The following PAX7 variants were observed in gnomAD, a reference collection of about 807,000 sequenced individuals.
PAX7 encodes paired box protein Pax-7.
A neutral mutation model predicts 50.7 loss-of-function variants in PAX7; 18 were observed. That is an observed-to-expected ratio of 0.36 (90% CI 0.25 to 0.53). PAX7 has a LOEUF of 0.53. Ranked by LOEUF, PAX7 falls within the 20% of genes least tolerant of loss-of-function variation. The probability of loss-of-function intolerance (pLI) is 0.93; values close to 1 mark genes in which losing one functional copy is unlikely to be tolerated. For missense variants in PAX7, 644 were observed against 702.9 expected (o/e 0.92, Z 0.95); for synonymous variants, 310 against 290.4 (o/e 1.07, Z -0.69).
intron 7 of PAX7, among the ~76,000 whole-genome samples, chr1:18,730,352 G>A (rs2089630881): frequency 6.6e-6 from 1 of 151,354 alleles, no homozygotes; most frequent in Admixed American, 6.6e-5. Flanking sequence ...CGGGGAAACT[G>A]TTGTCCCTCT....
rs138753381 is a variant in PAX7 at position 18,683,532 on chromosome 1, C to G, written c.587-8222C>G. On this transcript the variant is annotated intron_variant, in intron 4 of 8. Coordinates refer to ENST00000420770, the MANE Select transcript of PAX7 (RefSeq NM_001135254.2). ...TTGGACAGTCAATGCTCTTGACTATCCAAAGGACAGTCAAGAATGCCCATT... is the reference window on the plus strand; with the variant it reads ...TTGGACAGTCAATGCTCTTGACTATGCAAAGGACAGTCAAGAATGCCCATT... 7.5e-3 allele frequency among the ~76,000 whole-genome samples: 1,148 copies of G among 152,320 alleles called. 15 individuals are homozygous for G. Among genetic ancestry groups the G allele is most frequent in the African/African-American group, 0.027 (1,111 of 41,572 alleles).
chr1:18,725,871 A>G (rs2089559358), intron 7 of PAX7, among the ~76,000 whole-genome samples: 1 of 152,198 alleles, frequency 6.6e-6, no homozygotes, highest in Non-Finnish European at 1.5e-5. Context: ...GGCCAACCCA[A>G]GGATCTGCCC....
At chr1:18,706,579 C>T (rs551040569) in intron 7 of PAX7, among the ~76,000 whole-genome samples, 3 of 150,836 alleles carry the variant, frequency 2.0e-5, no homozygotes, top group East Asian at 2.0e-4. Context: ...CTCCTGTCTT[C>T]GCCTCCAATT....
In PAX7 at chr1:18,703,212, C is replaced by G; in HGVS notation, c.1071C>G (p.Ser357Arg). ...DTSSAYGARH[S>R]FSSYSDSFMN... is the part of the protein sequence containing the mutation. ...GCTCTGCCTACGGAGCCCGCCACAG[C>G]TTCTCCAGCTACTCTGACAGCTTCA... The change falls in exon 7 of 9, where the codon AGC becomes AGG. Residue 357 changes from serine (S) to arginine (R), a missense_variant. Ser to Arg is a moderately radical substitution (Grantham distance 110, BLOSUM62 -1). Transcript: ENST00000420770. The G allele has an allele frequency of 6.2e-7, 1 of 1,614,212 alleles. No individual in the cohort carries two copies. The highest frequency in any genetic ancestry group is 8.5e-7 in the Non-Finnish European group (1 of 1,180,034).
chr1:18,690,905 T>A (rs746879681), intron 4 of PAX7, among the ~76,000 whole-genome samples: 2 of 152,138 alleles, frequency 1.3e-5, no homozygotes, highest in Non-Finnish European at 2.9e-5. Flanking sequence ...GGAGGTGGCC[T>A]TCCCAGGGTC....
Position 18,636,140 on chromosome 1 carries a change from G to A in PAX7, c.452-97G>A. 1 of 1,268,044 alleles carries A rather than the reference G, an allele frequency of 7.9e-7. No homozygotes were observed. Among genetic ancestry groups the A allele is most frequent in the Non-Finnish European group, 1.1e-6 (1 of 892,900 alleles). The allele number at this position is 1,268,044 out of a possible 1,614,324, so 78.5% of individuals were successfully genotyped here. A position where few individuals can be genotyped will look rare whatever the true frequency, so the allele number is the denominator to read the frequency against. On this transcript the variant is annotated intron_variant, in intron 3 of 8. Coordinates refer to ENST00000420770, the MANE Select transcript of PAX7 (RefSeq NM_001135254.2). This position sits in a 1 kb window ranked among gnomAD's most constrained non-coding sequence, Gnocchi z 5.1. ...GGGATGAATGGATATCTGTAAGGAA[G>A]CAGGGGGCTTCCTGACTTTCTCCCA...
chr1:18,679,198 CCTT>C (rs2088863900), intron 4 of PAX7, among the ~76,000 whole-genome samples: 2 of 152,206 alleles, frequency 1.3e-5, no homozygotes, highest in African/African-American at 4.8e-5. Flanking sequence ...AGGTTTAAGT[CCTT>C]CTTCATGGCT....
rs1316149893 is a variant in PAX7 at position 18,746,395 on chromosome 1, T to C, written c.*1466T>C. 4 of 230,946 alleles carry C rather than the reference T, an allele frequency of 1.7e-5. No individual in the cohort carries two copies. In the East Asian group the frequency reaches 2.5e-4, roughly 14 times the overall value. 14.3% of individuals were successfully genotyped at this position (230,946 alleles called of 1,614,324 possible). A position where few individuals can be genotyped will look rare whatever the true frequency, so the allele number is the denominator to read the frequency against. On this transcript the variant is annotated 3_prime_UTR_variant, in exon 9 of 9. Coordinates refer to ENST00000420770, the MANE Select transcript of PAX7 (RefSeq NM_001135254.2). ...GTGGCCTCCTGAAGTTCCATGCTTT[T>C]AAGAGCTGGGACCTTGGGAGGATGA...
intron 4 of PAX7, among the ~76,000 whole-genome samples, chr1:18,688,976 C>A (rs753923982): frequency 3.3e-5 from 5 of 152,142 alleles, no homozygotes; most frequent in Non-Finnish European, 7.3e-5. Context: ...AAGGCTGTGC[C>A]TCCTCCATCA....
chr1:18,698,965 G>A (rs1039176995), intron 5 of PAX7, among the ~76,000 whole-genome samples: 1 of 152,180 alleles, frequency 6.6e-6, no homozygotes, highest in South Asian at 2.1e-4. Flanking sequence ...GAGATTTGGG[G>A]GTCTTGGGTG....
At chr1:18,642,209 A>C (rs2088267165) in intron 4 of PAX7, among the ~76,000 whole-genome samples, 1 of 133,832 alleles carries the variant, frequency 7.5e-6, no homozygotes, top group Non-Finnish European at 1.7e-5. Flanking sequence ...ATTCCAGGTT[A>C]CCTCTTTGGA....
chr1:18,667,391 A>AAAGGAAGGAAAGAAGG (rs1553136569), intron 4 of PAX7, among the ~76,000 whole-genome samples: 7 of 113,388 alleles, frequency 6.2e-5, no homozygotes, highest in African/African-American at 2.4e-4. Flanking sequence ...AAGGAAGGAG[A>AAAGGAAGGAAAGAAGG]AAGGAAGGAA....
At chr1:18,657,203 G>C (rs6659735) in intron 4 of PAX7, among the ~76,000 whole-genome samples, 2 of 151,654 alleles carry the variant, frequency 1.3e-5, no homozygotes, top group Admixed American at 1.3e-4. Flanking sequence ...GGAGCATGGG[G>C]GTGATAAGAG....
chr1:18,688,445 G>C (rs1463788764), intron 4 of PAX7, among the ~76,000 whole-genome samples: 1 of 152,224 alleles, frequency 6.6e-6, no homozygotes, highest in African/African-American at 2.4e-5. Context: ...TAAATACAAT[G>C]AAAGACGAAG....
chr1:18,655,780 T>TGTGA (rs2088507349), intron 4 of PAX7, among the ~76,000 whole-genome samples: 1 of 139,800 alleles, frequency 7.2e-6, no homozygotes, highest in Non-Finnish European at 1.5e-5. Context: ...GGTGTGTGTG[T>TGTGA]GTGTGTGTGT....
chr1:18,743,460 G>A (rs183420302), intron 8 of PAX7, among the ~76,000 whole-genome samples: 2 of 152,378 alleles, frequency 1.3e-5, no homozygotes, highest in East Asian at 3.9e-4. Flanking sequence ...GGGGAAGCAT[G>A]TAGAGTGCTA....
At chr1:18,703,858 CA>C (rs1435241101) in intron 7 of PAX7, among the ~76,000 whole-genome samples, 1 of 152,194 alleles carries the variant, frequency 6.6e-6, no homozygotes, top group African/African-American at 2.4e-5. Flanking sequence ...GCACATGATC[CA>C]AACTGATCTG....
In PAX7 at chr1:18,744,873, G is replaced by A. The variant is rs577652552; in HGVS notation, c.1462G>A (p.Gly488Arg). 16 of 1,558,746 alleles carry A rather than the reference G, an allele frequency of 1.0e-5. No individual in the cohort carries two copies. Among genetic ancestry groups the A allele is most frequent in the South Asian group, 3.6e-5 (3 of 84,348 alleles). Residue 488 changes from glycine to arginine, a missense_variant, in exon 9 of 9, where the codon GGG (glycine) becomes AGG (arginine). By Grantham distance (125) the Gly-to-Arg change is moderately radical (BLOSUM62 -2). Transcript: ENST00000420770. ...CTCCACCCAGCGTCGCATGAAGCTC[G>A]GGGAGCACTCTGCTGTGCTGGGACT... ...SLSTQRRMKLGEHSAVLGLLP... is the reference protein window; with the variant it reads ...SLSTQRRMKLREHSAVLGLLP...
chr1:18,633,999 C>T (rs1400814841), intron 1 of PAX7, among the ~76,000 whole-genome samples: 5 of 152,220 alleles, frequency 3.3e-5, no homozygotes, highest in Middle Eastern at 6.3e-3. Flanking sequence ...TTCTTAGCAG[C>T]ATTCGAATCC....
Sources: allele counts gnomAD v4.1 joint callset (sites outside exome capture counted in the v4.1 genomes callset), GRCh38; gene constraint gnomAD v4.1.1; non-coding constraint Gnocchi (gnomAD v3.1); transcripts MANE v1.5; gene names NCBI Gene and HGNC (gene_info 2026-07-23, HGNC 2026-07-21).